The following PDE4B variants were observed in gnomAD, a reference collection of about 807,000 sequenced individuals.
The protein encoded by PDE4B is 3',5'-cyclic-AMP phosphodiesterase 4B.
In PDE4B, 20 loss-of-function variants were observed where a neutral mutation model predicts 82.2. That is an observed-to-expected ratio of 0.24 (90% CI 0.17 to 0.35). The LOEUF is 0.35. PDE4B is among the 10% of genes least tolerant of loss of function. The pLI, the probability that PDE4B is intolerant of heterozygous loss-of-function variation, is 1.00. For missense variants in PDE4B, 655 were observed against 907.2 expected, an observed-to-expected ratio of 0.72 and a Z score of 3.57; for synonymous variants, 320 against 318.9, an observed-to-expected ratio of 1.00 and a Z score of -0.04.
intron 3 of PDE4B, among the ~76,000 whole-genome samples, chr1:66,179,313 G>A (rs937644380): frequency 1.4e-4 from 22 of 152,130 alleles, no homozygotes; most frequent in African/African-American, 4.6e-4. Flanking sequence ...TATTTAGAAA[G>A]CAATGATAAT....
intron 3 of PDE4B, among the ~76,000 whole-genome samples, chr1:66,233,494 A>C (rs1461442833): frequency 6.6e-6 from 1 of 152,042 alleles, no homozygotes; most frequent in African/African-American, 2.4e-5. Flanking sequence ...CTTCCTTTTC[A>C]GTGTATTTGC....
At chr1:65,942,691 T>C (rs963242611) in intron 3 of PDE4B, among the ~76,000 whole-genome samples, 1 of 152,094 alleles carries the variant, frequency 6.6e-6, no homozygotes, top group African/African-American at 2.4e-5. Context: ...TCAACACTTA[T>C]CTTTCACTTA....
intron 7 of PDE4B, among the ~76,000 whole-genome samples, chr1:66,277,163 G>T (rs955848203): frequency 6.8e-6 from 1 of 146,758 alleles, no homozygotes; most frequent in African/African-American, 2.6e-5. Context: ...GGTCCTGAGA[G>T]AGTAACCAAC....
At chr1:65,824,630 T>C (rs1040232264) in intron 1 of PDE4B, among the ~76,000 whole-genome samples, 7 of 149,506 alleles carry the variant, frequency 4.7e-5, no homozygotes, top group Non-Finnish European at 1.0e-4. Flanking sequence ...TATACACATA[T>C]ATATTTATAT....
At chr1:65,957,638 A>T (rs1649328208) in intron 3 of PDE4B, among the ~76,000 whole-genome samples, 1 of 151,964 alleles carries the variant, frequency 6.6e-6, no homozygotes, top group South Asian at 2.1e-4. Context: ...GGAAATTGGC[A>T]TTTTTTTGGT....
intron 7 of PDE4B, among the ~76,000 whole-genome samples, chr1:66,321,898 C>A (rs759987033): frequency 1.7e-4 from 25 of 143,696 alleles, no homozygotes; most frequent in Non-Finnish European, 3.0e-5. Context: ...AAGCTGGAGG[C>A]GTTATGCTAC....
At chr1:66,049,150 T>G (rs1654881397) in intron 3 of PDE4B, among the ~76,000 whole-genome samples, 1 of 152,006 alleles carries the variant, frequency 6.6e-6, no homozygotes, top group South Asian at 2.1e-4. Context: ...CTACTCTAAA[T>G]TCTATTGTGA....
chr1:65,997,068 A>G (rs1651583727), intron 3 of PDE4B, among the ~76,000 whole-genome samples: 1 of 151,938 alleles, frequency 6.6e-6, no homozygotes, highest in South Asian at 2.1e-4. Flanking sequence ...GTTCTCTTTC[A>G]TCATTAGCAA....
chr1:66,311,924 T>G (rs1000308595), intron 7 of PDE4B, among the ~76,000 whole-genome samples: 4 of 152,174 alleles, frequency 2.6e-5, no homozygotes, highest in African/African-American at 9.7e-5. Flanking sequence ...CTGAGACCTT[T>G]ATCTTTACCT....
At chr1:66,034,009 T>C (rs1157947689) in intron 3 of PDE4B, among the ~76,000 whole-genome samples, 4 of 152,138 alleles carry the variant, frequency 2.6e-5, no homozygotes, top group African/African-American at 9.7e-5. Flanking sequence ...CAGAATTCTC[T>C]CCCTTAATCT....
intron 7 of PDE4B, among the ~76,000 whole-genome samples, chr1:66,313,165 C>T (rs1012553188): frequency 6.6e-6 from 1 of 152,212 alleles, no homozygotes; most frequent in Admixed American, 6.5e-5. Context: ...AATGCACTTA[C>T]CTTCTTTCTC....
At chr1:65,943,238 A>C (rs1052342379) in intron 3 of PDE4B, among the ~76,000 whole-genome samples, 5 of 151,854 alleles carry the variant, frequency 3.3e-5, no homozygotes, top group African/African-American at 4.8e-5. Context: ...GTGAATATCT[A>C]GTTTTGCCAA....
intron 3 of PDE4B, among the ~76,000 whole-genome samples, chr1:65,933,607 G>A (rs1010087644): frequency 6.6e-6 from 1 of 152,056 alleles, no homozygotes; most frequent in Non-Finnish European, 1.5e-5. Context: ...GGCAGAGATT[G>A]CATTGAGCCG....
intron 3 of PDE4B, among the ~76,000 whole-genome samples, chr1:66,233,647 G>C (rs1428525758): frequency 2.0e-5 from 3 of 152,228 alleles, no homozygotes; most frequent in African/African-American, 7.2e-5. Context: ...GATAATGTCA[G>C]CTGAAAGTTT....
intron 3 of PDE4B, among the ~76,000 whole-genome samples, chr1:66,079,133 CACTGTCTCGGTT>C (rs1656587558): frequency 1.3e-5 from 2 of 151,802 alleles, no homozygotes; most frequent in African/African-American, 2.4e-5. Context: ...CACACTCTCT[CACTGTCTCGGTT>C]TCTGTCTCTC....
intron 3 of PDE4B, among the ~76,000 whole-genome samples, chr1:66,203,959 T>A (rs890777178): frequency 6.6e-6 from 1 of 152,210 alleles, no homozygotes; most frequent in Non-Finnish European, 1.5e-5. Flanking sequence ...TGCTCTGTTT[T>A]TTCCCCATCT....
intron 3 of PDE4B, among the ~76,000 whole-genome samples, chr1:65,974,100 A>G (rs1264985557): frequency 5.9e-5 from 9 of 152,226 alleles, no homozygotes; most frequent in Non-Finnish European, 7.3e-5. Context: ...GGTGTGAGCC[A>G]CTATACCTGG....
Position 65,974,044 on chromosome 1 carries a change from C to T in PDE4B, c.281+55209C>T, listed in dbSNP as rs143987676. Among the ~76,000 whole-genome samples, 209 of 151,996 alleles carry T rather than the reference C, an allele frequency of 1.4e-3. 3 individuals carry two copies. The highest frequency in any genetic ancestry group is 9.9e-3 in the Admixed American group (152 of 15,290). On this transcript the variant is annotated intron_variant, in intron 3 of 16. Transcript: ENST00000341517. ...ATCAGGCTGGTCTTGAGCTTCTGAC[C>T]TCAGGTGGTCTGCCTGCCTCAGCCT...
intron 3 of PDE4B, among the ~76,000 whole-genome samples, chr1:66,140,529 A>G (rs1646151373): frequency 6.6e-6 from 1 of 152,240 alleles, no homozygotes; most frequent in African/African-American, 2.4e-5. Flanking sequence ...ATACCAAAAA[A>G]AAGTAAAAAG....
Sources: gnomAD v4.1 joint callset for allele counts (sites outside exome capture counted in the v4.1 genomes callset) on GRCh38, gnomAD v4.1.1 for gene constraint, MANE v1.5 for transcripts, NCBI Gene and HGNC (gene_info 2026-07-23, HGNC 2026-07-21) for gene names.